Variants in PKD1L3 observed in about 807,000 individuals in gnomAD.
The protein encoded by PKD1L3 is polycystin-1-like protein 3.
In PKD1L3, 239 loss-of-function variants were observed where a neutral mutation model predicts 184.1. The observed-to-expected ratio is 1.30, with a 90% confidence interval of 1.17 to 1.45. The LOEUF (loss-of-function observed/expected upper bound fraction) is 1.45, where lower values mean the gene tolerates loss of function less well. Among genes scored for constraint, PKD1L3 ranks in the 40% most tolerant of loss-of-function variants. The probability of loss-of-function intolerance (pLI) is 0.00; values close to 1 mark genes in which losing one functional copy is unlikely to be tolerated. For synonymous variants in PKD1L3, 996 were observed against 778.8 expected (o/e 1.28, Z -4.64); for missense variants, 2,660 against 2,067.2 (o/e 1.29, Z -5.56).
chr16:71,935,516 A>G lies in PKD1L3; in HGVS notation c.4455T>C (p.Gly1485=). The change falls in exon 26 of 30, where the codon GGT becomes GGC. Residue 1485 remains glycine (G), a splice_region_variant and synonymous_variant. Transcript: ENST00000620267. The part of the protein sequence containing the change: ...LLVCYYAFIQ[G]CQLKQQKWRF... ...TCCACTTCTGCTGTTTCAGCTGACA[A>G]CCCTAAACATAGACAGCACAGTCAC... 1 of 1,551,938 alleles carries G rather than the reference A, an allele frequency of 6.4e-7. No homozygotes were observed. The highest frequency in any genetic ancestry group is 8.7e-7 in the Non-Finnish European group (1 of 1,146,960).
chr16:71,990,308 G>A lies in PKD1L3; in HGVS notation c.557C>T (p.Thr186Ile), dbSNP rs1256625805. 2.6e-6 allele frequency: 4 copies of A among 1,548,530 alleles called. No individual in the cohort carries two copies. The highest frequency in any genetic ancestry group is 3.5e-6 in the Non-Finnish European group (4 of 1,144,474). ...ATGAGCAGGAAGAGGATAGTGACAT[G>A]TGGTTGGAAGATGACCAGGTCCTAT... ...MPPGPGHLPT[T>I]CHYPLPAHLS... The change falls in exon 4 of 30, where the codon ACA becomes ATA. Residue 186 changes from threonine (T) to isoleucine (I), a missense_variant. Transcript: ENST00000620267.
chr16:71,956,729 C>G (rs576080010), intron 16 of PKD1L3, among the ~76,000 whole-genome samples: 11 of 152,264 alleles, frequency 7.2e-5, no homozygotes, highest in African/African-American at 2.4e-4. Flanking sequence ...TGAAAAAGCT[C>G]TGGAGCTCTG....
intron 25 of PKD1L3, among the ~76,000 whole-genome samples, 192 bp from the exon 26 acceptor site, chr16:71,935,710 A>T: frequency 6.6e-6 from 1 of 152,252 alleles, no homozygotes; most frequent in East Asian, 1.9e-4. Context: ...CTTACAAAAA[A>T]GTTATCTTCA....
chr16:71,995,500 A>G (rs1303892596), intron 2 of PKD1L3, among the ~76,000 whole-genome samples: 1 of 151,908 alleles, frequency 6.6e-6, no homozygotes, highest in Non-Finnish European at 1.5e-5. Context: ...CTTCTGTTAT[A>G]TTTATACGTA....
chr16:71,985,211 A>G (rs558775971), intron 5 of PKD1L3, among the ~76,000 whole-genome samples: 2 of 152,272 alleles, frequency 1.3e-5, no homozygotes, highest in African/African-American at 4.8e-5. Context: ...AAAAACAAAA[A>G]CAAAAATCTT....
chr16:71,960,408 C>T (rs2039231788), intron 16 of PKD1L3, among the ~76,000 whole-genome samples: 1 of 151,602 alleles, frequency 6.6e-6, no homozygotes, highest in Non-Finnish European at 1.5e-5. Flanking sequence ...TAAGCAAAAC[C>T]ATAAAAAGGG....
At chr16:71,938,506 T>C (rs8057124) in intron 24 of PKD1L3, among the ~76,000 whole-genome samples, 121,950 of 152,258 alleles carry the variant, frequency 0.8, 49,199 homozygotes, top group East Asian at 0.98. Context: ...CAGGGATCAT[T>C]TGAAGCCTGG....
intron 18 of PKD1L3, 121 bp downstream of exon 18, chr16:71,952,773 T>C: frequency 9.4e-7 from 1 of 1,062,928 alleles, no homozygotes; most frequent in South Asian, 1.8e-5. Flanking sequence ...AGTTTGAGGC[T>C]GCCACAGTGA....
Position 71,973,225 on chromosome 16 carries a change from A to G in PKD1L3, c.1953+99T>C, listed in dbSNP as rs556916696. 4.7e-4 allele frequency: 632 copies of G among 1,355,836 alleles called. 1 individual carries two copies. Among genetic ancestry groups the G allele is most frequent in the Admixed American group, 5.8e-4 (25 of 43,260 alleles). The allele number at this position is 1,355,836 out of a possible 1,614,324, so 84.0% of individuals were successfully genotyped here. On this transcript the variant is annotated intron_variant, in intron 12 of 29. Coordinates refer to ENST00000620267, the MANE Select transcript of PKD1L3 (RefSeq NM_181536.2). Reference sequence around the variant, plus strand: ...CAGAGTTATTTCAAACCACCTGATTATTTTTCTTTCTGGGCTGCCCCAAAT... The same window carrying G: ...CAGAGTTATTTCAAACCACCTGATTGTTTTTCTTTCTGGGCTGCCCCAAAT...
At chr16:71,961,268 G>C (rs573532169) in intron 16 of PKD1L3, among the ~76,000 whole-genome samples, 1 of 152,116 alleles carries the variant, frequency 6.6e-6, no homozygotes, top group South Asian at 2.1e-4. Flanking sequence ...GACTACAGGC[G>C]TGCACCACTG....
chr16:71,976,329 C>T (rs959354739), intron 11 of PKD1L3, among the ~76,000 whole-genome samples: 4 of 135,174 alleles, frequency 3.0e-5, no homozygotes, highest in African/African-American at 1.1e-4. Flanking sequence ...GATCTTGGCT[C>T]ACGGCAACCT....
intron 6 of PKD1L3, among the ~76,000 whole-genome samples, chr16:71,982,755 C>T (rs1256721263): frequency 1.3e-5 from 2 of 151,926 alleles, no homozygotes; most frequent in South Asian, 2.1e-4. Context: ...ACCACCACAC[C>T]TAATTTTTAA....
In PKD1L3 at chr16:71,986,584, T is replaced by A. The variant is rs1421714527; in HGVS notation, c.586-115A>T. On this transcript the variant is annotated intron_variant, in intron 4 of 29. Coordinates refer to ENST00000620267, the MANE Select transcript of PKD1L3 (RefSeq NM_181536.2). ...CTGTCCTATGAGATACTAATAGGCATTTCTGTTAAAAAAAATTCTGTGCTC... is the reference window on the plus strand; with the variant it reads ...CTGTCCTATGAGATACTAATAGGCAATTCTGTTAAAAAAAATTCTGTGCTC... 7 of 1,190,738 alleles carry A rather than the reference T, an allele frequency of 5.9e-6. No homozygotes were observed. The Admixed American group carries it at 1.9e-4, about 32-fold the overall frequency. The allele number at this position is 1,190,738 out of a possible 1,614,324, so 73.8% of individuals were successfully genotyped here.
In PKD1L3 at chr16:71,967,154, A is replaced by C. The variant is rs1343479873; in HGVS notation, c.2448T>G (p.Ser816=). 1 of 1,551,688 alleles carries C rather than the reference A, an allele frequency of 6.4e-7. No homozygotes were observed. The highest frequency in any genetic ancestry group is 1.4e-5 in the African/African-American group (1 of 73,194). ...GTACTCACCAGGAGGGACTGACGCC[A>C]GAATTGTCATGCCAGAGCCGAAGGC... The part of the protein sequence containing the change: ...LHSLRLWHDN[S]GVSPSWYVSQ... Residue 816 remains serine, a synonymous_variant, in exon 15 of 30, where the codon TCT becomes TCG. Coordinates refer to ENST00000620267, the MANE Select transcript of PKD1L3 (RefSeq NM_181536.2).
intron 21 of PKD1L3, 74 bp downstream of exon 21, chr16:71,949,709 C>A (rs1173433190): frequency 1.5e-6 from 2 of 1,346,814 alleles, no homozygotes. Context: ...CACTAGGCAC[C>A]TTGGATTGAC....
Position 71,954,181 on chromosome 16 carries a change from T to C in PKD1L3, c.2733A>G (p.Thr911=). 6.4e-7 allele frequency: 1 copy of C among 1,551,792 alleles called. No individual in the cohort carries two copies. The highest frequency in any genetic ancestry group is 1.4e-5 in the African/African-American group (1 of 73,130). The part of the protein sequence containing the change: ...TRVQRLSCCM[T]LLLCNMVINV... Reference sequence around the variant, plus strand: ...TGATGACCATGTTGCAGAGTAGCAGTGTCATGCAGCAAGACAGCCGTTGGA... The same window carrying C: ...TGATGACCATGTTGCAGAGTAGCAGCGTCATGCAGCAAGACAGCCGTTGGA... The change falls in exon 17 of 30, where the codon ACA becomes ACG. Residue 911 remains threonine (T), a synonymous_variant. Transcript: ENST00000620267.
At chr16:71,943,550 A>AAAAC (rs1465473263) in intron 23 of PKD1L3, among the ~76,000 whole-genome samples, 33 of 151,724 alleles carry the variant, frequency 2.2e-4, no homozygotes, top group Middle Eastern at 3.2e-3. Flanking sequence ...AAAAAAAAAA[A>AAAAC]AAAAAAAACA....
In PKD1L3 at chr16:71,954,277, C is replaced by G. The variant is rs1392311007; in HGVS notation, c.2637G>C (p.Val879=). 6.5e-7 allele frequency: 1 copy of G among 1,544,728 alleles called. No homozygotes were observed. The highest frequency in any genetic ancestry group is 8.7e-7 in the Non-Finnish European group (1 of 1,144,298). ...ACAGATAATCCTGGGTGAACTTTTCCACAATCATGGAGGAAAACAGATGTC... is the reference window on the plus strand; with the variant it reads ...ACAGATAATCCTGGGTGAACTTTTCGACAATCATGGAGGAAAACAGATGTC... ...SFRHLFSSMI[V]EKFTQDYLWL... The change falls in exon 17 of 30, where the codon GTG becomes GTC. Residue 879 remains valine (V), a synonymous_variant. Coordinates refer to ENST00000620267, the MANE Select transcript of PKD1L3 (RefSeq NM_181536.2).
chr16:71,931,463 C>CTTTT (rs11405919), intron 28 of PKD1L3, among the ~76,000 whole-genome samples: 18 of 115,884 alleles, frequency 1.6e-4, no homozygotes, highest in African/African-American at 2.7e-4. Flanking sequence ...TTCTCCCCCA[C>CTTTT]TTTTTTTTTT....
Sources: gnomAD v4.1 joint callset for allele counts (sites outside exome capture counted in the v4.1 genomes callset) on GRCh38, gnomAD v4.1.1 for gene constraint, MANE v1.5 for transcripts, NCBI Gene and HGNC (gene_info 2026-07-23, HGNC 2026-07-21) for gene names.